The following ABCG1 variants were observed in gnomAD, a reference collection of about 807,000 sequenced individuals.
ABCG1 encodes ATP binding cassette subfamily G member 1, also known as ATP-binding cassette sub-family G member 1.
Under a neutral mutation model 69.2 loss-of-function variants are expected in ABCG1, and 29 were observed. The ratio of observed to expected loss-of-function variants is 0.42; its 90% CI spans 0.31 to 0.57. The LOEUF (loss-of-function observed/expected upper bound fraction) is 0.57, where lower values mean the gene tolerates loss of function less well. Ranked by LOEUF, ABCG1 falls within the 20% of genes least tolerant of loss-of-function variation. The probability of loss-of-function intolerance (pLI) is 0.15; values close to 1 mark genes in which losing one functional copy is unlikely to be tolerated. For synonymous variants in ABCG1, 370 were observed against 374.8 expected (o/e 0.99, Z 0.15); for missense variants, 718 against 898.1 (o/e 0.80, Z 2.56).
At chr21:42,257,277 G>A (rs2068321846) in intron 2 of ABCG1, among the ~76,000 whole-genome samples, 1 of 152,212 alleles carries the variant, frequency 6.6e-6, no homozygotes, top group Non-Finnish European at 1.5e-5. Flanking sequence ...CTCCCCAGGA[G>A]ATTCCAGTCA....
At chr21:42,203,312 T>C (rs2067520755) in intron 2 of ABCG1, among the ~76,000 whole-genome samples, 1 of 152,256 alleles carries the variant, frequency 6.6e-6, no homozygotes, top group Non-Finnish European at 1.5e-5. Context: ...TTTTTCATTT[T>C]GATGTAGTCC....
rs974085158 is a variant in ABCG1, at chr21:42,273,024, T to C, written c.405-279T>C. On this transcript the variant is annotated intron_variant, in intron 3 of 14. Transcript: ENST00000398449. This position sits in a 1 kb window ranked among gnomAD's most constrained non-coding sequence, Gnocchi z 5.3. ...ATCTTTGTTTGGCAGGTCAAGAAAG[T>C]GCTGCCGTTACCCTTAGTATAAACA... 6.6e-6 allele frequency among the ~76,000 whole-genome samples: 1 copy of C among 152,216 alleles called. No individual in the cohort carries two copies. Among genetic ancestry groups the C allele is most frequent in the Non-Finnish European group, 1.5e-5 (1 of 68,032 alleles).
rs868548945 is a variant in ABCG1 at position 42,273,165 on chromosome 21, C to G, written c.405-138C>G. 6 of 1,206,536 alleles carry G rather than the reference C, an allele frequency of 5.0e-6. No homozygotes were observed. The highest frequency in any genetic ancestry group is 6.9e-6 in the Non-Finnish European group (6 of 869,172). 74.7% of individuals were successfully genotyped at this position (1,206,536 alleles called of 1,614,324 possible). A position where few individuals can be genotyped will look rare whatever the true frequency, so the allele number is the denominator to read the frequency against. ...CGAGGTCCGGTCCCTTTCTGCCCCT[C>G]GGGGTCCCCGTGGCCAGTGGTTCAG... is the stretch of plus-strand genomic sequence containing the variant. On this transcript the variant is annotated intron_variant, in intron 3 of 14. Transcript: ENST00000398449. This position sits in a 1 kb window ranked among gnomAD's most constrained non-coding sequence, Gnocchi z 5.3.
At chr21:42,211,267 C>T (rs1318687398), upstream of ABCG1, among the ~76,000 whole-genome samples, 1 of 152,096 alleles carries the variant, frequency 6.6e-6, no homozygotes, top group African/African-American at 2.4e-5. Flanking sequence ...CTCAGCATTC[C>T]CATTTCTTTC....
chr21:42,200,867 G>A (rs2067501179), intron 1 of ABCG1, among the ~76,000 whole-genome samples: 1 of 152,238 alleles, frequency 6.6e-6, no homozygotes, highest in South Asian at 2.1e-4. Flanking sequence ...AGGATTACAG[G>A]CATGAACCAC....
chr21:42,219,976 G>T lies in ABCG1; in HGVS notation c.42+672G>T, dbSNP rs1275867355. 2 of 1,552,500 alleles carry T rather than the reference G, an allele frequency of 1.3e-6. No individual in the cohort carries two copies. The highest frequency in any genetic ancestry group is 1.4e-5 in the African/African-American group (1 of 73,234). ...AGAGACGCGGTGGGGACAGGGATGC[G>T]CATTTCACTTCCCCGAGCTCCGGAG... On this transcript the variant is annotated intron_variant, in intron 1 of 14. Transcript: ENST00000398449. The surrounding 1 kb of genome is among the most constrained non-coding windows in gnomAD (Gnocchi z 5.3).
chr21:42,235,641 G>A (rs1250577618), intron 2 of ABCG1, among the ~76,000 whole-genome samples: 1 of 152,204 alleles, frequency 6.6e-6, no homozygotes, highest in Admixed American at 6.5e-5. Context: ...TTTCTAATTG[G>A]TTAAGTTATT....
In ABCG1 at chr21:42,287,080, T is replaced by C. The variant is rs965113496; in HGVS notation, c.974-809T>C. On this transcript the variant is annotated intron_variant, in intron 8 of 14. Coordinates refer to ENST00000398449, the MANE Select transcript of ABCG1 (RefSeq NM_016818.3). This position sits in a 1 kb window ranked among gnomAD's most constrained non-coding sequence, Gnocchi z 6.2. ...GGAAGTGCGGAAAAGGTAAGGGTGTTGGGGAGCTTTGGGCCTTAGCAAGAA... is the reference window on the plus strand; with the variant it reads ...GGAAGTGCGGAAAAGGTAAGGGTGTCGGGGAGCTTTGGGCCTTAGCAAGAA... Among the ~76,000 whole-genome samples the C allele has an allele frequency of 6.6e-6, 1 of 151,984 alleles. No individual in the cohort carries two copies. The highest frequency in any genetic ancestry group is 2.4e-5 in the African/African-American group (1 of 41,378).
At chr21:42,208,645 G>A (rs1378574) in intron 2 of ABCG1, among the ~76,000 whole-genome samples, 1 of 151,834 alleles carries the variant, frequency 6.6e-6, no homozygotes, top group Non-Finnish European at 1.5e-5. Context: ...ATCCTTTTTC[G>A]GGGCTTTATG....
chr21:42,237,059 G>A (rs1486171924), intron 2 of ABCG1, among the ~76,000 whole-genome samples: 1 of 152,202 alleles, frequency 6.6e-6, no homozygotes, highest in Non-Finnish European at 1.5e-5. Flanking sequence ...CTCCCCTTCA[G>A]TTGTCATAAA....
At chr21:42,294,890 G>A (rs985047968) in intron 14 of ABCG1, 1 of 523,414 alleles carries the variant, frequency 1.9e-6, no homozygotes, top group South Asian at 2.1e-5. Flanking sequence ...CACACCCGGA[G>A]AGCCATGGCA....
At chr21:42,271,756 G>A (rs1195189637) in intron 3 of ABCG1, among the ~76,000 whole-genome samples, 2 of 152,068 alleles carry the variant, frequency 1.3e-5, no homozygotes, top group Non-Finnish European at 2.9e-5. Context: ...GTGGTGGCAG[G>A]TGCTATAATC....
upstream of ABCG1, chr21:42,216,330 T>C: frequency 3.0e-6 from 1 of 330,418 alleles, no homozygotes; most frequent in Non-Finnish European, 6.1e-6. Context: ...TAGCAGAAAT[T>C]TCTGTTGGGG....
intron 2 of ABCG1, among the ~76,000 whole-genome samples, chr21:42,255,756 G>A (rs1457142848): frequency 6.6e-6 from 1 of 152,166 alleles, no homozygotes; most frequent in Non-Finnish European, 1.5e-5. Flanking sequence ...CCATGCTCAA[G>A]CCCCTCACCT....
intron 13 of ABCG1, among the ~76,000 whole-genome samples, chr21:42,292,284 C>A (rs1171934209): frequency 5.3e-5 from 8 of 152,112 alleles, no homozygotes; most frequent in African/African-American, 1.9e-4. Flanking sequence ...TGAGTCACCT[C>A]CAGTCCACCA....
At chr21:42,201,834 T>G (rs2067509029) in intron 2 of ABCG1, 1 of 1,579,656 alleles carries the variant, frequency 6.3e-7, no homozygotes, top group Non-Finnish European at 8.6e-7. Context: ...ATTCTTGGTG[T>G]GGGCTGTGGG....
At chr21:42,218,306 A>G (rs1442443354), upstream of ABCG1, among the ~76,000 whole-genome samples, 1 of 152,304 alleles carries the variant, frequency 6.6e-6, no homozygotes, top group East Asian at 1.9e-4. Flanking sequence ...CCTTGTCACC[A>G]TGGATACCAG....
At position 42,225,665 on chromosome 21, in the gene ABCG1, T is replaced by C. The variant is rs899330710; in HGVS notation, c.43-6T>C. The stretch of plus-strand genomic sequence containing the variant: ...CAGGTCTTGTTGCTTCCTCTGGTTT[T>C]TCTAGAATGCCAGCAGTTACTCTGC... On this transcript the variant is annotated splice_region_variant and splice_polypyrimidine_tract_variant and intron_variant, in intron 1 of 14. Coordinates refer to ENST00000398449, the MANE Select transcript of ABCG1 (RefSeq NM_016818.3). The C allele has an allele frequency of 5.0e-6, 8 of 1,612,452 alleles. No individual in the cohort carries two copies. The highest frequency in any genetic ancestry group is 5.9e-6 in the Non-Finnish European group (7 of 1,179,660).
intron 5 of ABCG1, among the ~76,000 whole-genome samples, chr21:42,279,092 C>T (rs958207122): frequency 1.3e-5 from 2 of 152,108 alleles, no homozygotes; most frequent in South Asian, 2.1e-4. Context: ...CATGGGGTGT[C>T]GGAAGCACAA....
Sources: gnomAD v4.1 joint callset for allele counts (sites outside exome capture counted in the v4.1 genomes callset) on GRCh38, gnomAD v4.1.1 for gene constraint, Gnocchi (gnomAD v3.1) non-coding constraint, MANE v1.5 for transcripts, NCBI Gene and HGNC (gene_info 2026-07-23, HGNC 2026-07-21) for gene names.